MYO9B: variants seen among roughly 807,000 people sequenced by gnomAD.
MYO9B encodes the protein myosin IXB.
MYO9B carries 71 observed loss-of-function variants against 229.5 expected under a neutral mutation model. The observed-to-expected ratio is 0.31, with a 90% CI of 0.26 to 0.38. The LOEUF (loss-of-function observed/expected upper bound fraction) is 0.38. MYO9B is among the 10% of genes least tolerant of loss of function. The pLI, the probability that MYO9B is intolerant of heterozygous loss-of-function variation, is 1.00. For missense variants in MYO9B, 2,255 were observed against 2,920.5 expected (o/e 0.77, Z 5.25); for synonymous variants, 1,185 against 1,235.8 (o/e 0.96, Z 0.86).
At chr19:17,138,112 C>T (rs891683315) in intron 2 of MYO9B, among the ~76,000 whole-genome samples, 9 of 152,096 alleles carry the variant, frequency 5.9e-5, no homozygotes, top group Non-Finnish European at 8.8e-5. Context: ...CATGTGTTCT[C>T]ATTGTTCAAC....
chr19:17,187,273 C>T (rs997160795), intron 18 of MYO9B, among the ~76,000 whole-genome samples: 1 of 152,246 alleles, frequency 6.6e-6, no homozygotes, highest in South Asian at 2.1e-4. Context: ...CTCCTCTCTC[C>T]TGGGACACCT....
intron 18 of MYO9B, among the ~76,000 whole-genome samples, chr19:17,186,577 G>A (rs1056239219): frequency 1.3e-5 from 2 of 152,086 alleles, no homozygotes; most frequent in Middle Eastern, 3.2e-3. Flanking sequence ...GAGATGCTCC[G>A]TAGTGCACCT....
chr19:17,117,676 G>A (rs765569452), intron 2 of MYO9B, among the ~76,000 whole-genome samples: 1 of 152,036 alleles, frequency 6.6e-6, no homozygotes, highest in Non-Finnish European at 1.5e-5. Context: ...GGTGGCTCAC[G>A]CCTGTAAGCC....
intron 1 of MYO9B, among the ~76,000 whole-genome samples, chr19:17,098,945 A>G (rs1181690428): frequency 8.9e-5 from 13 of 146,320 alleles, no homozygotes; most frequent in East Asian, 4.0e-4. Context: ...AAAAAAAAAA[A>G]AAGAAGAAGA....
intron 22 of MYO9B, 116 bp from the exon 23 acceptor site, chr19:17,197,676 C>A: frequency 8.4e-7 from 1 of 1,189,826 alleles, no homozygotes; most frequent in South Asian, 1.3e-5. Context: ...TAGACATTGC[C>A]AAGTGTCCCC....
intron 2 of MYO9B, among the ~76,000 whole-genome samples, chr19:17,120,801 G>T (rs34739920): frequency 0.25 from 37,401 of 151,856 alleles, 4,993 homozygotes; most frequent in African/African-American, 0.35. Context: ...GAGAGAGAGA[G>T]ATATATAACA....
In MYO9B at chr19:17,202,028, T is replaced by C. The variant is rs376546081; in HGVS notation, c.4662+4T>C. 8.1e-6 allele frequency: 13 copies of C among 1,611,672 alleles called. No individual in the cohort carries two copies. The highest frequency in any genetic ancestry group is 1.3e-5 in the African/African-American group (1 of 74,600). On this transcript the variant is annotated splice_donor_region_variant and intron_variant, in intron 27 of 39. Coordinates refer to ENST00000682292, the MANE Select transcript of MYO9B (RefSeq NM_004145.4). ...CAAAACGATGTACTCTGTCCCGGTA[T>C]GTGGCGGCCCGGCCTTCAGCCTTTC...
At position 17,172,936 on chromosome 19, in the gene MYO9B, C is replaced by T. The variant is rs143966500; in HGVS notation, c.2113C>T (p.Arg705Trp). The T allele has an allele frequency of 1.8e-4, 293 of 1,598,736 alleles. No individual in the cohort carries two copies. The African/African-American group carries it at 2.6e-3, about 14-fold the overall frequency. The change falls in exon 13 of 40, where the codon CGG (arginine) becomes TGG (tryptophan). Residue 705 changes from arginine to tryptophan, a missense_variant. Physicochemically the swap from Arg to Trp is moderately radical, Grantham distance 101. Around this residue, in one of 7 missense-constraint regions of MYO9B, gnomAD observed 155 missense variants for 159.1 expected, o/e 0.97. Transcript: ENST00000682292. The surrounding 1 kb of genome is among the most constrained non-coding windows in gnomAD (Gnocchi z 8.2). ...MAVLREAGRL[R>W]AERAEKAAGM... is the part of the protein sequence containing the mutation. ...AGTGCTTCGGGAGGCCGGACGCCTG[C>T]GGGCCGAGAGGGCCGAAAAGGCTGC...
At chr19:17,165,415 T>C (rs1391378054) in intron 10 of MYO9B, among the ~76,000 whole-genome samples, 1 of 151,640 alleles carries the variant, frequency 6.6e-6, no homozygotes, top group Non-Finnish European at 1.5e-5. Context: ...CATGTGATTA[T>C]TAGAAAATTT....
Position 17,192,978 on chromosome 19 carries a change from A to C in MYO9B, c.3044A>C (p.Tyr1015Ser). 6.6e-7 allele frequency: 1 copy of C among 1,524,436 alleles called. No homozygotes were observed. Among genetic ancestry groups the C allele is most frequent in the Non-Finnish European group, 8.9e-7 (1 of 1,129,672 alleles). 94.4% of individuals were successfully genotyped at this position (1,524,436 alleles called of 1,614,324 possible). Residue 1015 changes from tyrosine to serine, a missense_variant, in exon 21 of 40, where the codon TAC (tyrosine) becomes TCC (serine). Physicochemically the swap from Tyr to Ser is moderately radical, Grantham distance 144. Coordinates refer to ENST00000682292, the MANE Select transcript of MYO9B (RefSeq NM_004145.4). ...TACCTCCAGGCCTCATGGAGGGGCT[A>C]CTGGCAGCGGAAGCTCTACCGGCAC... is the stretch of plus-strand genomic sequence containing the variant. ...AVYLQASWRG[Y>S]WQRKLYRHQK...
At chr19:17,180,859 G>T (rs763739894) in intron 14 of MYO9B, 68 bp from the exon 15 acceptor site, 35 of 1,098,682 alleles carry the variant, frequency 3.2e-5, no homozygotes, top group Non-Finnish European at 1.3e-6. Context: ...TGGGAACCCC[G>T]AGGTGGCAGG....
chr19:17,110,746 T>C (rs2057839876), intron 2 of MYO9B, among the ~76,000 whole-genome samples: 1 of 152,124 alleles, frequency 6.6e-6, no homozygotes. Flanking sequence ...AGTGATGGGC[T>C]GCAGGGCGCA....
chr19:17,191,076 T>C lies in MYO9B; in HGVS notation c.2689-21T>C, dbSNP rs778949712. The C allele has an allele frequency of 7.5e-6, 12 of 1,609,322 alleles. No individual in the cohort carries two copies. In the South Asian group the frequency reaches 1.3e-4, roughly 18 times the overall value. On this transcript the variant is annotated intron_variant, in intron 19 of 39. Transcript: ENST00000682292. ...CCAGAACACTCACCTAGATTTTCCT[T>C]TCTCCACCCAAATAACCTAGGATTT...
intron 2 of MYO9B, among the ~76,000 whole-genome samples, chr19:17,137,545 C>A (rs1469222697): frequency 6.6e-6 from 1 of 152,174 alleles, no homozygotes; most frequent in Non-Finnish European, 1.5e-5. Flanking sequence ...CTCCTTATCA[C>A]CTTCCTGCTT....
chr19:17,168,523 G>T (rs1267123172), intron 11 of MYO9B, among the ~76,000 whole-genome samples: 2 of 152,224 alleles, frequency 1.3e-5, no homozygotes, highest in Non-Finnish European at 2.9e-5. Context: ...AAGCTCGTGT[G>T]TGCAAAATGC....
At position 17,150,059 on chromosome 19, in the gene MYO9B, G is replaced by T. The variant is rs112442369; in HGVS notation, c.936-2585G>T. 1.8e-3 allele frequency among the ~76,000 whole-genome samples: 267 copies of T among 152,300 alleles called. 2 individuals carry two copies. Among genetic ancestry groups the T allele is most frequent in the African/African-American group, 6.1e-3 (254 of 41,568 alleles). On this transcript the variant is annotated intron_variant, in intron 3 of 39. Coordinates refer to ENST00000682292, the MANE Select transcript of MYO9B (RefSeq NM_004145.4). Reference sequence around the variant, plus strand: ...TTGAAAGAAGAGAGGACCCAGGCTGGGCCATCAGAAGCCACCTGTGCATCG... The same window carrying T: ...TTGAAAGAAGAGAGGACCCAGGCTGTGCCATCAGAAGCCACCTGTGCATCG...
intron 2 of MYO9B, among the ~76,000 whole-genome samples, chr19:17,138,638 A>G (rs1599361282): frequency 6.6e-6 from 1 of 152,190 alleles, no homozygotes; most frequent in East Asian, 1.9e-4. Flanking sequence ...GCCTCCACTC[A>G]GTGGTCAGCC....
Position 17,101,686 on chromosome 19 carries a change from G to A in MYO9B, c.-32G>A. Reference sequence around the variant, plus strand: ...TCCAGGACACGCGCGCCCCGAGCCTGGGAGGCATGCTGAAGCCAGGCGGCC... The same window carrying A: ...TCCAGGACACGCGCGCCCCGAGCCTAGGAGGCATGCTGAAGCCAGGCGGCC... On this transcript the variant is annotated 5_prime_UTR_variant, in exon 2 of 40. Coordinates refer to ENST00000682292, the MANE Select transcript of MYO9B (RefSeq NM_004145.4). The surrounding 1 kb of genome is among the most constrained non-coding windows in gnomAD (Gnocchi z 4.7). 1.3e-6 allele frequency: 2 copies of A among 1,530,776 alleles called. No homozygotes were observed. The highest frequency in any genetic ancestry group is 1.7e-6 in the Non-Finnish European group (2 of 1,143,318). The allele number at this position is 1,530,776 out of a possible 1,614,324, so 94.8% of individuals were successfully genotyped here. A position where few individuals can be genotyped will look rare whatever the true frequency, so the allele number is the denominator to read the frequency against.
chr19:17,207,936 G>A (rs1384586373), intron 35 of MYO9B: 1 of 152,000 alleles, frequency 6.6e-6, no homozygotes, highest in African/African-American at 2.4e-5. Context: ...CTTGAATCCA[G>A]GAGGCGGAGG....
Sources: allele counts gnomAD v4.1 joint callset (sites outside exome capture counted in the v4.1 genomes callset), GRCh38; gene constraint gnomAD v4.1.1; regional missense constraint gnomAD v4.1.1; non-coding constraint Gnocchi (gnomAD v3.1); transcripts MANE v1.5; gene names NCBI Gene and HGNC (gene_info 2026-07-23, HGNC 2026-07-21).